The following MS4A13 variants were observed in gnomAD, a reference collection of about 807,000 sequenced individuals.
The protein encoded by MS4A13 is membrane-spanning 4-domains subfamily A member 13.
In MS4A13, 21 loss-of-function variants were observed where a neutral mutation model predicts 18.4. The ratio of observed to expected loss-of-function variants is 1.14; its 90% confidence interval spans 0.81 to 1.64. The LOEUF is 1.64. Among genes scored for constraint, MS4A13 ranks in the 40% most tolerant of loss-of-function variants. The probability of loss-of-function intolerance (pLI) is 0.00; values close to 1 mark genes in which losing one functional copy is unlikely to be tolerated. For synonymous variants in MS4A13, 62 were observed against 57.2 expected (o/e 1.08, Z -0.38); for missense variants, 173 against 176.8 (o/e 0.98, Z 0.12).
chr11:60,518,027 T>C (rs2135246172), intron 2 of MS4A13, 45 bp from the exon 3 acceptor site: 1 of 1,439,780 alleles, frequency 6.9e-7, no homozygotes, highest in Non-Finnish European at 9.4e-7. Flanking sequence ...GGAATTGTGT[T>C]TTAAATTACA....
chr11:60,524,663 T>TA (rs2086700536), intron 4 of MS4A13, among the ~76,000 whole-genome samples: 1 of 960 alleles, frequency 1.0e-3, no homozygotes. Flanking sequence ...AACACAATAC[T>TA]TTTTTTTTTT....
chr11:60,532,371 G>T (rs1018877502), intron 6 of MS4A13, among the ~76,000 whole-genome samples: 2 of 152,208 alleles, frequency 1.3e-5, no homozygotes, highest in Admixed American at 1.3e-4. Context: ...AAGCTCAAGG[G>T]GTCAGGGAGT....
intron 3 of MS4A13, among the ~76,000 whole-genome samples, chr11:60,521,762 C>G (rs1398086427): frequency 1.3e-5 from 2 of 152,220 alleles, no homozygotes; most frequent in African/African-American, 2.4e-5. Flanking sequence ...GTTCCAAAGT[C>G]ACTTCCAAAT....
chr11:60,526,511 C>T (rs1469995829), intron 5 of MS4A13, among the ~76,000 whole-genome samples: 1 of 152,194 alleles, frequency 6.6e-6, no homozygotes. Context: ...GATCTGAACT[C>T]AATGATAACG....
intron 3 of MS4A13, among the ~76,000 whole-genome samples, chr11:60,522,016 A>G (rs1180780328): frequency 6.6e-6 from 1 of 152,036 alleles, no homozygotes; most frequent in Non-Finnish European, 1.5e-5. Context: ...GGAAACTCCC[A>G]TTTTTAAAAC....
intron 5 of MS4A13, among the ~76,000 whole-genome samples, chr11:60,528,726 C>A (rs1302399121): frequency 6.6e-6 from 1 of 152,102 alleles, no homozygotes; most frequent in Admixed American, 6.5e-5. Context: ...GGATGAGTAC[C>A]AATATTATTC....
downstream of MS4A13, among the ~76,000 whole-genome samples, chr11:60,543,404 G>A (rs1031285697): frequency 6.6e-6 from 1 of 151,794 alleles, no homozygotes; most frequent in Non-Finnish European, 1.5e-5. Flanking sequence ...CTTAAGCTCT[G>A]GAGTATCAAC....
At chr11:60,532,259 A>G (rs1046397453) in intron 6 of MS4A13, among the ~76,000 whole-genome samples, 10 of 152,348 alleles carry the variant, frequency 6.6e-5, no homozygotes, top group Non-Finnish European at 8.8e-5. Context: ...CATCTGAGGT[A>G]CCAGGTTCAT....
intron 5 of MS4A13, among the ~76,000 whole-genome samples, chr11:60,528,512 G>A (rs531808823): frequency 3.0e-4 from 45 of 152,192 alleles, no homozygotes; most frequent in Non-Finnish European, 5.6e-4. Context: ...AAGAAATCAG[G>A]AAGTTATGTG....
chr11:60,537,944 G>T (rs1201875891), intron 6 of MS4A13, among the ~76,000 whole-genome samples: 1 of 131,168 alleles, frequency 7.6e-6, no homozygotes, highest in African/African-American at 2.9e-5. Flanking sequence ...ACCAAACACC[G>T]CATATTCTCA....
intron 6 of MS4A13, among the ~76,000 whole-genome samples, chr11:60,531,925 A>C (rs866525394): frequency 1.3e-5 from 2 of 152,224 alleles, no homozygotes; most frequent in Non-Finnish European, 2.9e-5. Flanking sequence ...CCAGTATTCC[A>C]AGATACTAAC....
intron 4 of MS4A13, among the ~76,000 whole-genome samples, chr11:60,524,593 A>T (rs540673988): frequency 6.6e-6 from 1 of 152,088 alleles, no homozygotes; most frequent in East Asian, 1.9e-4. Flanking sequence ...TTACAGTGGA[A>T]CCACTTTTGT....
At chr11:60,527,100 GA>G (rs2086718396) in intron 5 of MS4A13, among the ~76,000 whole-genome samples, 1 of 152,088 alleles carries the variant, frequency 6.6e-6, no homozygotes, top group Non-Finnish European at 1.5e-5. Context: ...TACCTCCTCA[GA>G]AGTACTATAC....
In MS4A13 at chr11:60,529,387, G is replaced by T. The variant is rs767768724; in HGVS notation, c.329G>T (p.Arg110Leu). Residue 110 changes from arginine to leucine, a missense_variant, in exon 6 of 7, where the codon CGT becomes CTT. Physicochemically the swap from Arg to Leu is moderately radical, Grantham distance 102 (BLOSUM62 -2). Transcript: ENST00000378186. The stretch of plus-strand genomic sequence containing the variant: ...TAGAAACTTGGGAGGGAAGTATCAC[G>T]TATTTTACTGTTCTTCTACGGTTTG... The part of the protein sequence containing the change: ...GQAKLGREVS[R>L]ILLFFYGLEF... 24 of 1,599,650 alleles carry T rather than the reference G, an allele frequency of 1.5e-5. No individual in the cohort carries two copies. The highest frequency in any genetic ancestry group is 3.4e-5 in the Admixed American group (2 of 58,554).
Position 60,522,239 on chromosome 11 carries a change from G to GATGTGTATATATATATATATATCTATAT in MS4A13, c.130-1654_130-1653insGTATATATATATATATATCTATATATGT, listed in dbSNP as rs1555023685. On this transcript the variant is annotated intron_variant, in intron 3 of 6. Coordinates refer to ENST00000378186, the MANE Select transcript of MS4A13 (RefSeq NM_001012417.3). ...AGATAGATAGATAGATAGATAGATA[G>GATGTGTATATATATATATATATCTATAT]ATGTATATATATAGATATATACACA... 6.3e-3 allele frequency among the ~76,000 whole-genome samples: 838 copies of GATGTGTATATATATATATATATCTATAT among 133,880 alleles called. 20 individuals carry two copies. The East Asian group carries it at 0.092, about 15-fold the overall frequency. 87.8% of individuals were successfully genotyped at this position (133,880 alleles called of 152,430 possible). A position where few individuals can be genotyped will look rare whatever the true frequency, so the allele number is the denominator to read the frequency against.
intron 3 of MS4A13, among the ~76,000 whole-genome samples, chr11:60,520,566 G>C (rs867487861): frequency 1.3e-5 from 2 of 152,206 alleles, no homozygotes; most frequent in South Asian, 2.1e-4. Context: ...AAATCTTAAA[G>C]CTCAAAAATG....
chr11:60,516,367 G>A (rs1485900181), intron 2 of MS4A13, among the ~76,000 whole-genome samples: 1 of 152,094 alleles, frequency 6.6e-6, no homozygotes, highest in East Asian at 1.9e-4. Flanking sequence ...TTATGCAGTA[G>A]GATGATTATA....
intron 6 of MS4A13, among the ~76,000 whole-genome samples, chr11:60,530,234 T>C (rs1357766689): frequency 6.6e-6 from 1 of 152,210 alleles, no homozygotes; most frequent in East Asian, 1.9e-4. Context: ...AACAATGGCC[T>C]CTCCATTAGG....
At chr11:60,520,666 C>T (rs1317196439) in intron 3 of MS4A13, among the ~76,000 whole-genome samples, 1 of 152,228 alleles carries the variant, frequency 6.6e-6, no homozygotes, top group Non-Finnish European at 1.5e-5. Context: ...CCTGTGGCTT[C>T]ACATGGTGTA....
Sources: allele counts gnomAD v4.1 joint callset (sites outside exome capture counted in the v4.1 genomes callset), GRCh38; gene constraint gnomAD v4.1.1; transcripts MANE v1.5; gene names NCBI Gene and HGNC (gene_info 2026-07-23, HGNC 2026-07-21).